The following GLI2 variants were observed in gnomAD, a reference collection of about 807,000 sequenced individuals.
The protein encoded by GLI2 is transcription activator GLI2.
A neutral mutation model predicts 78.9 loss-of-function variants in GLI2; 22 were observed. The observed-to-expected ratio is 0.28, with a 90% CI of 0.20 to 0.40. The LOEUF (loss-of-function observed/expected upper bound fraction) is 0.40, where lower values mean the gene tolerates loss of function less well. Ranked by LOEUF, GLI2 falls within the 10% of genes least tolerant of loss-of-function variation. The pLI is 1.00. For missense variants in GLI2, 2,097 were observed against 2,213.2 expected, an observed-to-expected ratio of 0.95 and a Z score of 1.05; for synonymous variants, 974 against 963.7, an observed-to-expected ratio of 1.01 and a Z score of -0.20.
chr2:120,931,680 T>C (rs13014662), intron 3 of GLI2, among the ~76,000 whole-genome samples: 145,765 of 152,292 alleles, frequency 0.96, 69,806 homozygotes, highest in East Asian at 1. Flanking sequence ...ATCTTCCTGA[T>C]TGCTCTGTGA....
Position 120,986,509 on chromosome 2 carries a change from G to A in GLI2, c.2137G>A (p.Glu713Lys), listed in dbSNP as rs752860949. The change falls in exon 13 of 14, where the codon GAG becomes AAG. Residue 713 changes from glutamate to lysine, a missense_variant. Glu to Lys is a moderately conservative substitution (Grantham distance 56). Coordinates refer to ENST00000361492, the MANE Select transcript of GLI2 (RefSeq NM_001374353.1). ...ACACATGACCACCATGCACCGGTTC[G>A]AGCAGCTCAAGAAGGAGAAGCTCAA... ...RKHMTTMHRF[E>K]QLKKEKLKSL... The A allele has an allele frequency of 4.3e-6, 7 of 1,614,122 alleles. No individual in the cohort carries two copies. The highest frequency in any genetic ancestry group is 1.7e-5 in the Admixed American group (1 of 60,032).
At chr2:120,931,112 T>C (rs183564510) in intron 3 of GLI2, among the ~76,000 whole-genome samples, 2 of 152,354 alleles carry the variant, frequency 1.3e-5, no homozygotes, top group East Asian at 1.9e-4. Context: ...CTTAAAACAA[T>C]GTAAACTTAT....
chr2:120,837,178 A>G (rs563032827), intron 2 of GLI2, among the ~76,000 whole-genome samples: 4 of 152,060 alleles, frequency 2.6e-5, no homozygotes, highest in South Asian at 2.1e-4. Flanking sequence ...GCGGATCACG[A>G]GGTCAGGAGA....
At chr2:120,759,078 C>T (rs573030731) in intron 1 of GLI2, among the ~76,000 whole-genome samples, 67 of 152,292 alleles carry the variant, frequency 4.4e-4, no homozygotes, top group African/African-American at 1.4e-3. Context: ...CATGTGAGGC[C>T]TCATGAGCAA....
At chr2:120,765,770 G>A (rs1683349017) in intron 1 of GLI2, among the ~76,000 whole-genome samples, 1 of 152,244 alleles carries the variant, frequency 6.6e-6, no homozygotes, top group Non-Finnish European at 1.5e-5. Flanking sequence ...GCAGTCAGGT[G>A]GAGGTGAGAA....
intron 2 of GLI2, among the ~76,000 whole-genome samples, chr2:120,865,193 G>C (rs10192454): frequency 0.6 from 90,868 of 152,032 alleles, 28,180 homozygotes; most frequent in African/African-American, 0.75. Context: ...TGTGTCAGTG[G>C]AGCCCTTCGC....
At chr2:120,881,128 A>G (rs572834416) in intron 2 of GLI2, among the ~76,000 whole-genome samples, 11 of 152,350 alleles carry the variant, frequency 7.2e-5, no homozygotes, top group Non-Finnish European at 1.3e-4. Flanking sequence ...TTTCAGGCAC[A>G]CAGAGGTTCC....
chr2:120,820,790 A>T (rs1037852767), intron 2 of GLI2, among the ~76,000 whole-genome samples: 40 of 152,164 alleles, frequency 2.6e-4, no homozygotes, highest in Non-Finnish European at 5.9e-5. Flanking sequence ...CAAACACTCA[A>T]GTGTTCCAGT....
intron 5 of GLI2, among the ~76,000 whole-genome samples, chr2:120,964,621 C>A (rs13426821): frequency 0.035 from 5,388 of 152,300 alleles, 119 homozygotes; most frequent in Middle Eastern, 0.061. Context: ...TTTGCCACTG[C>A]GCAAGTAGCA....
At chr2:120,900,717 G>A (rs761685365) in intron 2 of GLI2, among the ~76,000 whole-genome samples, 2 of 152,198 alleles carry the variant, frequency 1.3e-5, no homozygotes, top group African/African-American at 2.4e-5. Flanking sequence ...ATAGACAAGG[G>A]ATGTGCGTGG....
chr2:120,970,573 C>A lies in GLI2; in HGVS notation c.1026C>A (p.Ser342Arg), dbSNP rs1471252389. 1.9e-6 allele frequency: 3 copies of A among 1,614,050 alleles called. No homozygotes were observed. The highest frequency in any genetic ancestry group is 2.5e-6 in the Non-Finnish European group (3 of 1,180,008). ...TCAATGCCACGCCCACCCAGCTCAGCAGCAGCAGCAACTGTCTGAGTGACA... is the reference window on the plus strand; with the variant it reads ...TCAATGCCACGCCCACCCAGCTCAGAAGCAGCAGCAACTGTCTGAGTGACA... ...TSINATPTQL[S>R]SSSNCLSDTN... Residue 342 changes from serine to arginine, a missense_variant, in exon 7 of 14, where the codon AGC becomes AGA. By Grantham distance (110) the Ser-to-Arg change is moderately radical (BLOSUM62 -1). This residue lies in a region of GLI2 where 578 missense variants were observed against 612.0 expected (regional missense o/e 0.94). Coordinates refer to ENST00000361492, the MANE Select transcript of GLI2 (RefSeq NM_001374353.1).
At chr2:120,975,431 A>G (rs1682410741) in intron 9 of GLI2, among the ~76,000 whole-genome samples, 1 of 138,656 alleles carries the variant, frequency 7.2e-6, no homozygotes, top group Non-Finnish European at 1.6e-5. Flanking sequence ...TATATTCTAT[A>G]TACACATTTT....
chr2:120,810,908 G>A (rs755131791), intron 2 of GLI2, among the ~76,000 whole-genome samples: 91 of 152,326 alleles, frequency 6.0e-4, no homozygotes, highest in Non-Finnish European at 1.2e-3. Flanking sequence ...ATCACCAGAG[G>A]GTGGAGTTGC....
At chr2:120,956,483 G>A (rs1015175682) in intron 5 of GLI2, among the ~76,000 whole-genome samples, 19 of 152,126 alleles carry the variant, frequency 1.2e-4, no homozygotes, top group Non-Finnish European at 2.1e-4. Context: ...CAAGGAGCCC[G>A]TCTCAAGGAA....
chr2:120,839,514 ATT>A (rs1686768190), intron 2 of GLI2, among the ~76,000 whole-genome samples: 2 of 151,836 alleles, frequency 1.3e-5, no homozygotes, highest in African/African-American at 4.8e-5. Context: ...TCTCTATGTT[ATT>A]TATTTGTCCC....
At chr2:120,983,053 G>A (rs1434774388) in intron 11 of GLI2, among the ~76,000 whole-genome samples, 173 bp downstream of exon 11, 9 of 151,890 alleles carry the variant, frequency 5.9e-5, no homozygotes, top group Admixed American at 3.9e-4. Context: ...TAGACAGACC[G>A]GTCTCTTTCT....
intron 2 of GLI2, among the ~76,000 whole-genome samples, chr2:120,900,958 C>T (rs911263861): frequency 6.6e-6 from 1 of 152,128 alleles, no homozygotes; most frequent in African/African-American, 2.4e-5. Flanking sequence ...GAGAACAGAG[C>T]CCTCTTGGCT....
rs917320036 is a variant in GLI2, at chr2:120,923,357, CCA to C, written c.149-3999_149-3998del. Reference sequence around the variant, plus strand: ...ACATAAACACGGCAGCAGACACATACCACACAGCATATGCATATACACACAGC... The same window carrying C: ...ACATAAACACGGCAGCAGACACATACCACAGCATATGCATATACACACAGC... On this transcript the variant is annotated intron_variant, in intron 2 of 13. Coordinates refer to ENST00000361492, the MANE Select transcript of GLI2 (RefSeq NM_001374353.1). Among the ~76,000 whole-genome samples the C allele has an allele frequency of 2.0e-4, 19 of 95,288 alleles. No individual in the cohort carries two copies. The South Asian group carries it at 6.4e-3, about 32-fold the overall frequency. 62.5% of individuals were successfully genotyped at this position (95,288 alleles called of 152,430 possible).
At chr2:120,810,610 A>G (rs1415194132) in intron 2 of GLI2, among the ~76,000 whole-genome samples, 1 of 152,162 alleles carries the variant, frequency 6.6e-6, no homozygotes, top group African/African-American at 2.4e-5. Flanking sequence ...ATGTGCTAAT[A>G]GGGGCGCTTG....
Sources: gnomAD v4.1 joint callset for allele counts (sites outside exome capture counted in the v4.1 genomes callset) on GRCh38, gnomAD v4.1.1 for gene constraint, gnomAD v4.1.1 regional missense constraint, MANE v1.5 for transcripts, NCBI Gene and HGNC (gene_info 2026-07-23, HGNC 2026-07-21) for gene names.